RANGAP1: variants seen among roughly 807,000 people sequenced by gnomAD.
RANGAP1 encodes the protein Ran GTPase activating protein 1, also known as ran GTPase-activating protein 1.
In RANGAP1, 38 loss-of-function variants were observed where a neutral mutation model predicts 63.5. The ratio of observed to expected loss-of-function variants is 0.60; its 90% CI spans 0.46 to 0.78. The LOEUF (loss-of-function observed/expected upper bound fraction) is 0.78. RANGAP1 is among the 30% of genes least tolerant of loss of function. The pLI is 0.00. For missense variants in RANGAP1, 630 were observed against 740.3 expected (o/e 0.85, Z 1.73); for synonymous variants, 329 against 310.5 (o/e 1.06, Z -0.63).
the RANGAP1 span, among the ~76,000 whole-genome samples, chr22:41,295,086 C>T: frequency 2.0e-5 from 3 of 148,268 alleles, no homozygotes; most frequent in African/African-American, 7.6e-5. Context: ...GGGGGGTCAG[C>T]CCCCCGCCCG....
intron 5 of RANGAP1, 144 bp downstream of exon 5, chr22:41,264,520 C>T (rs190837230): frequency 9.1e-7 from 1 of 1,103,906 alleles, no homozygotes; most frequent in Non-Finnish European, 1.2e-6. Flanking sequence ...ACCCTCCGGC[C>T]ACAGGCTGTT....
intron 5 of RANGAP1, 103 bp downstream of exon 5, chr22:41,264,561 C>T (rs1002967433): frequency 3.0e-5 from 41 of 1,369,240 alleles, no homozygotes; most frequent in East Asian, 1.0e-4. Flanking sequence ...TTGAAAACAA[C>T]GGCTGACCAT....
rs1569176741 is a variant in RANGAP1 at position 41,254,401 on chromosome 22, TTCTTCCTCCTCTTCCTCA to T, written c.1149_1166del (p.Asp383_Glu388del). ...GCTCTTCTTCCTCCTCCTCCTCCTC[TTCTTCCTCCTCTTCCTCA>T]TCTTCCTCCTCCTCTTCTTCTGCTT... On this transcript the variant is annotated inframe_deletion, in exon 11 of 16. Coordinates refer to ENST00000356244, the MANE Select transcript of RANGAP1 (RefSeq NM_002883.4). 1.9e-6 allele frequency: 3 copies of T among 1,611,592 alleles called. No homozygotes were observed. Among genetic ancestry groups the T allele is most frequent in the South Asian group, 1.1e-5 (1 of 91,000 alleles).
At chr22:41,299,523 C>T in the RANGAP1 span, among the ~76,000 whole-genome samples, 206 of 152,214 alleles carry the variant, frequency 1.4e-3, 8 homozygotes, top group East Asian at 0.034. Flanking sequence ...CCTACCTTGG[C>T]GTCCCAAAGT....
rs1357773175 is a variant in RANGAP1 at position 41,257,987 on chromosome 22, G to A, written c.735C>T (p.Asp245=). The A allele has an allele frequency of 1.8e-5, 29 of 1,613,092 alleles. No homozygotes were observed. Among genetic ancestry groups the A allele is most frequent in the Non-Finnish European group, 2.5e-5 (29 of 1,179,518 alleles). Residue 245 remains aspartate, a synonymous_variant, in exon 7 of 16, where the codon GAC becomes GAT. Transcript: ENST00000356244. The surrounding 1 kb of genome is among the most constrained non-coding windows in gnomAD (Gnocchi z 4.0). ...NPLLRVINLN[D]NTFTEKGAVA... The stretch of plus-strand genomic sequence containing the variant: ...CGGCGCCCTTCTCAGTGAAGGTGTT[G>A]TCATTCAGGTTGATGACCCGCAGCA...
upstream of RANGAP1, among the ~76,000 whole-genome samples, chr22:41,290,156 AAAAG>A (rs1159761761): frequency 1.4e-3 from 204 of 150,564 alleles, no homozygotes; most frequent in African/African-American, 3.0e-3. Context: ...AGAAAAAAAA[AAAAG>A]AGAGAGAGAG....
At chr22:41,264,963 C>G in intron 4 of RANGAP1, 120 bp from the exon 5 acceptor site, 1 of 918,568 alleles carries the variant, frequency 1.1e-6, no homozygotes, top group Non-Finnish European at 1.6e-6. Context: ...AGAACCAACA[C>G]AGACACAAAC....
At chr22:41,266,029 C>T (rs1344668508) in intron 4 of RANGAP1, among the ~76,000 whole-genome samples, 4 of 152,080 alleles carry the variant, frequency 2.6e-5, no homozygotes, top group Non-Finnish European at 5.9e-5. Flanking sequence ...AGTGAAACCC[C>T]ATCTCTACTA....
rs1359225216 is a variant in RANGAP1 at position 41,268,062 on chromosome 22, T to C, written c.300+35A>G. 2.7e-6 allele frequency: 4 copies of C among 1,495,194 alleles called. No homozygotes were observed. The South Asian group carries it at 3.6e-5, about 14-fold the overall frequency. The allele number at this position is 1,495,194 out of a possible 1,614,324, so 92.6% of individuals were successfully genotyped here. On this transcript the variant is annotated intron_variant, in intron 4 of 15. Coordinates refer to ENST00000356244, the MANE Select transcript of RANGAP1 (RefSeq NM_002883.4). ...CCCTGGGAATTGCCAAAGAGGGCCT[T>C]GCGCGTGGAGGGGAAGAGCGGCTAG...
At chr22:41,267,091 C>T in intron 4 of RANGAP1, among the ~76,000 whole-genome samples, 1 of 151,356 alleles carries the variant, frequency 6.6e-6, no homozygotes, top group East Asian at 2.0e-4. Flanking sequence ...GTTGGCCAGG[C>T]TGGACTTGAA....
rs542948633 is a variant in RANGAP1 at position 41,261,731 on chromosome 22, C to T, written c.481-151G>A. 2.8e-5 allele frequency: 24 copies of T among 851,086 alleles called. No individual in the cohort carries two copies. In the African/African-American group the frequency reaches 3.7e-4, roughly 13 times the overall value. The allele number at this position is 851,086 out of a possible 1,614,324, so 52.7% of individuals were successfully genotyped here. ...ACTGCTAACAGCTCAACAGTCACAC[C>T]TTAAATATGTCCAGCACTTCAGTTA... On this transcript the variant is annotated intron_variant, in intron 5 of 15. Coordinates refer to ENST00000356244, the MANE Select transcript of RANGAP1 (RefSeq NM_002883.4).
intron 2 of RANGAP1, among the ~76,000 whole-genome samples, chr22:41,276,221 A>G (rs995386480): frequency 6.6e-6 from 1 of 152,262 alleles, no homozygotes; most frequent in Non-Finnish European, 1.5e-5. Flanking sequence ...CAAATGCTAT[A>G]GCAGTTCTCT....
chr22:41,294,622 G>A, the RANGAP1 span, among the ~76,000 whole-genome samples: 1 of 144,752 alleles, frequency 6.9e-6, no homozygotes, highest in Non-Finnish European at 1.5e-5. Flanking sequence ...CCTCTTCCCG[G>A]CCGCCATCCC....
Position 41,249,754 on chromosome 22 carries a change from A to G in RANGAP1, c.1547T>C (p.Leu516Pro). 6.2e-7 allele frequency: 1 copy of G among 1,613,990 alleles called. No individual in the cohort carries two copies. The highest frequency in any genetic ancestry group is 8.5e-7 in the Non-Finnish European group (1 of 1,179,850). ...SFNSNTFLTRLLVHMGLLKSE... is the reference protein window; with the variant it reads ...SFNSNTFLTRPLVHMGLLKSE... ...CTTGAGCAGACCCATGTGCACGAGCAGCCTGGTGAGGAAGGTGTTGGAGTT... is the reference window on the plus strand; with the variant it reads ...CTTGAGCAGACCCATGTGCACGAGCGGCCTGGTGAGGAAGGTGTTGGAGTT... Residue 516 changes from leucine to proline, a missense_variant, in exon 14 of 16, where the codon CTG (leucine) becomes CCG (proline). Leu to Pro is a moderately conservative substitution (Grantham distance 98). Around this residue, in one of 3 missense-constraint regions of RANGAP1, gnomAD observed 428 missense variants for 465.5 expected, o/e 0.92. Transcript: ENST00000356244.
the RANGAP1 span, among the ~76,000 whole-genome samples, chr22:41,297,661 A>T: frequency 7.0e-6 from 1 of 143,102 alleles, no homozygotes; most frequent in East Asian, 2.0e-4. Flanking sequence ...ATAGCTGGGG[A>T]CTACACACAC....
intron 15 of RANGAP1, 129 bp downstream of exon 15, chr22:41,249,201 C>T: frequency 1.5e-6 from 2 of 1,328,490 alleles, no homozygotes; most frequent in Non-Finnish European, 2.0e-6. Context: ...ATGAGGGCCT[C>T]TCATGCACCT....
At chr22:41,261,131 T>A (rs917938215) in intron 6 of RANGAP1, among the ~76,000 whole-genome samples, 7 of 152,182 alleles carry the variant, frequency 4.6e-5, no homozygotes, top group Admixed American at 3.3e-4. Flanking sequence ...ACTCGCACCA[T>A]CTCACTTCAC....
intron 2 of RANGAP1, among the ~76,000 whole-genome samples, chr22:41,276,516 G>A (rs1168898239): frequency 1.3e-5 from 2 of 152,102 alleles, no homozygotes; most frequent in Admixed American, 6.6e-5. Flanking sequence ...GTGGATGCCT[G>A]TAATCCCAGC....
intron 2 of RANGAP1, among the ~76,000 whole-genome samples, chr22:41,275,698 G>C (rs1180284194): frequency 6.6e-6 from 1 of 151,884 alleles, no homozygotes; most frequent in East Asian, 1.9e-4. Flanking sequence ...AGAATCACCT[G>C]AACCTGGGAG....
Sources: gnomAD v4.1 joint callset for allele counts (sites outside exome capture counted in the v4.1 genomes callset) on GRCh38, gnomAD v4.1.1 for gene constraint, gnomAD v4.1.1 regional missense constraint, Gnocchi (gnomAD v3.1) non-coding constraint, MANE v1.5 for transcripts, NCBI Gene and HGNC (gene_info 2026-07-23, HGNC 2026-07-21) for gene names.